Variants in ELOVL7 observed in about 807,000 individuals in gnomAD.
ELOVL7 encodes very long chain fatty acid elongase 7.
A neutral mutation model predicts 35.7 loss-of-function variants in ELOVL7; 27 were observed. The ratio of observed to expected loss-of-function variants is 0.76; its 90% CI spans 0.56 to 1.04. The LOEUF (loss-of-function observed/expected upper bound fraction) is 1.04. Among genes scored for constraint, ELOVL7 ranks in the 50% least tolerant of loss-of-function variants. ELOVL7 has a pLI of 0.00. For missense variants in ELOVL7, 327 were observed against 340.8 expected (o/e 0.96, Z 0.32); for synonymous variants, 113 against 114.6 (o/e 0.99, Z 0.09).
At chr5:60,764,114 G>C in intron 7 of ELOVL7, 113 bp downstream of exon 7, 3 of 719,340 alleles carry the variant, frequency 4.2e-6, no homozygotes, top group Non-Finnish European at 7.3e-6. Context: ...TATAAACAAA[G>C]TGACTCTTTG....
chr5:60,768,598 G>T (rs1180221467), intron 4 of ELOVL7: 2 of 436,640 alleles, frequency 4.6e-6, no homozygotes, highest in Non-Finnish European at 9.2e-6. Context: ...AGAGCCTATT[G>T]TTGATAAATC....
intron 1 of ELOVL7, among the ~76,000 whole-genome samples, chr5:60,821,932 GA>G (rs1161298583): frequency 6.6e-6 from 1 of 151,930 alleles, no homozygotes; most frequent in Non-Finnish European, 1.5e-5. Context: ...CCACGATAGG[GA>G]AAAAAAGAAA....
rs1324833466 is a variant in ELOVL7 at position 60,753,381 on chromosome 5, A to G, written c.*1243T>C. ...GCCAAACGAATTTCAGTCCTTCATTACATGGTTTATAGGTCTGGAAACAGA... is the reference window on the plus strand; with the variant it reads ...GCCAAACGAATTTCAGTCCTTCATTGCATGGTTTATAGGTCTGGAAACAGA... On this transcript the variant is annotated 3_prime_UTR_variant, in exon 9 of 9. Transcript: ENST00000508821. The G allele has an allele frequency of 6.6e-6, 1 of 152,216 alleles. No individual in the cohort carries two copies. Among genetic ancestry groups the G allele is most frequent in the African/African-American group, 2.4e-5 (1 of 41,468 alleles). 9.4% of individuals were successfully genotyped at this position (152,216 alleles called of 1,614,324 possible).
chr5:60,830,227 G>C (rs900200543), intron 1 of ELOVL7, among the ~76,000 whole-genome samples: 1 of 152,096 alleles, frequency 6.6e-6, no homozygotes, highest in East Asian at 1.9e-4. Flanking sequence ...TTGACACTAG[G>C]GATACAGTGA....
At chr5:60,840,329 T>G (rs996609798) in intron 1 of ELOVL7, among the ~76,000 whole-genome samples, 5 of 152,110 alleles carry the variant, frequency 3.3e-5, no homozygotes, top group African/African-American at 1.2e-4. Flanking sequence ...GTTTATAAGA[T>G]GGTTATGTGA....
chr5:60,754,883 A>C (rs1348786128), intron 8 of ELOVL7, 50 bp from the exon 9 acceptor site: 6 of 1,513,220 alleles, frequency 4.0e-6, no homozygotes, highest in Non-Finnish European at 4.6e-6. Context: ...AAGAGTTAAC[A>C]ATTCTTTACC....
rs1345327688 is a variant in ELOVL7 at position 60,775,599 on chromosome 5, CA to C, written c.65-3507del. On this transcript the variant is annotated intron_variant, in intron 3 of 8. Transcript: ENST00000508821. ...AACTGTACTACACGGCTACAGTAAC[CA>C]AAACAGCATGGTATTGATATAAAAA... Among the ~76,000 whole-genome samples, 3 of 152,072 alleles carry C rather than the reference CA, an allele frequency of 2.0e-5. No individual in the cohort carries two copies. The East Asian group carries it at 5.8e-4, about 29-fold the overall frequency.
At chr5:60,820,440 C>G (rs1170959705) in intron 1 of ELOVL7, among the ~76,000 whole-genome samples, 1 of 152,208 alleles carries the variant, frequency 6.6e-6, no homozygotes, top group East Asian at 1.9e-4. Flanking sequence ...AATACACTAT[C>G]TTTCGGTTTA....
At chr5:60,764,359 T>C (rs1742108090) in intron 6 of ELOVL7, 27 bp from the exon 7 acceptor site, 1 of 1,518,406 alleles carries the variant, frequency 6.6e-7, no homozygotes, top group Non-Finnish European at 9.1e-7. Flanking sequence ...AATATCAAGT[T>C]CACAGAAAAT....
rs184945076 is a variant in ELOVL7 at position 60,795,300 on chromosome 5, G to T, written c.-35+3880C>A. On this transcript the variant is annotated intron_variant, in intron 2 of 8. Coordinates refer to ENST00000508821, the MANE Select transcript of ELOVL7 (RefSeq NM_024930.3). ...ATTCCTAAGCCTAGCTGGGGAAGGT[G>T]ACTGCACCGGCCTTTAAACACGGGG... is the stretch of plus-strand genomic sequence containing the variant. 1.7e-4 allele frequency among the ~76,000 whole-genome samples: 26 copies of T among 152,238 alleles called. No homozygotes were observed. The East Asian group carries it at 4.8e-3, about 28-fold the overall frequency.
chr5:60,781,038 T>C (rs935933821), intron 3 of ELOVL7, among the ~76,000 whole-genome samples: 1 of 151,468 alleles, frequency 6.6e-6, no homozygotes, highest in African/African-American at 2.4e-5. Flanking sequence ...GGTGAAACCC[T>C]GTCTCTACGA....
intron 1 of ELOVL7, among the ~76,000 whole-genome samples, chr5:60,820,436 C>G (rs1745816002): frequency 6.6e-6 from 1 of 152,202 alleles, no homozygotes; most frequent in East Asian, 1.9e-4. Context: ...AACTAATACA[C>G]TATCTTTCGG....
rs542122625 is a variant in ELOVL7, at chr5:60,774,265, G to A, written c.65-2172C>T. Among the ~76,000 whole-genome samples the A allele has an allele frequency of 4.6e-5, 7 of 152,174 alleles. No individual in the cohort carries two copies. The South Asian group carries it at 1.0e-3, about 23-fold the overall frequency. On this transcript the variant is annotated intron_variant, in intron 3 of 8. Transcript: ENST00000508821. Reference sequence around the variant, plus strand: ...CAAAAATCCTCAACAAACTAGCCAGGTGAATCCAGGAACACATCAAAAAGT... The same window carrying A: ...CAAAAATCCTCAACAAACTAGCCAGATGAATCCAGGAACACATCAAAAAGT...
At chr5:60,762,001 G>C (rs1383140514) in intron 7 of ELOVL7, among the ~76,000 whole-genome samples, 1 of 151,966 alleles carries the variant, frequency 6.6e-6, no homozygotes, top group African/African-American at 2.4e-5. Context: ...TATGGCTAGG[G>C]GTCATGATGG....
chr5:60,822,297 T>C (rs1012748507), intron 1 of ELOVL7, among the ~76,000 whole-genome samples: 5 of 152,214 alleles, frequency 3.3e-5, no homozygotes, highest in Admixed American at 3.3e-4. Context: ...ATATTATTCA[T>C]AAGCTCGATA....
chr5:60,768,194 T>C (rs1054603415), intron 4 of ELOVL7, among the ~76,000 whole-genome samples: 2 of 152,184 alleles, frequency 1.3e-5, no homozygotes, highest in Non-Finnish European at 2.9e-5. Flanking sequence ...ACTTGGAGTG[T>C]TTTGCTTAAA....
chr5:60,789,457 A>G (rs796200697), intron 2 of ELOVL7, among the ~76,000 whole-genome samples: 1 of 152,208 alleles, frequency 6.6e-6, no homozygotes, highest in South Asian at 2.1e-4. Flanking sequence ...CAAAATCCAG[A>G]CAACCATTAA....
intron 6 of ELOVL7, 99 bp from the exon 7 acceptor site, chr5:60,764,431 T>C (rs1742112069): frequency 1.1e-6 from 1 of 900,604 alleles, no homozygotes; most frequent in Non-Finnish European, 1.7e-6. Context: ...TTTCATATCA[T>C]AATTTCCTCT....
chr5:60,792,475 A>G (rs1401841002), intron 2 of ELOVL7, among the ~76,000 whole-genome samples: 1 of 152,210 alleles, frequency 6.6e-6, no homozygotes, highest in Non-Finnish European at 1.5e-5. Flanking sequence ...ATTATATTGC[A>G]AGTATAATGA....
Sources: allele counts gnomAD v4.1 joint callset (sites outside exome capture counted in the v4.1 genomes callset), GRCh38; gene constraint gnomAD v4.1.1; transcripts MANE v1.5; gene names NCBI Gene and HGNC (gene_info 2026-07-23, HGNC 2026-07-21).